PRKAR1A: variants seen among roughly 807,000 people sequenced by gnomAD.
PRKAR1A encodes the protein protein kinase cAMP-dependent type I regulatory subunit alpha.
PRKAR1A carries 3 observed loss-of-function variants against 52.0 expected under a neutral mutation model. That is an observed-to-expected ratio of 0.06 (90% CI 0.03 to 0.15). The LOEUF is 0.15. Ranked by LOEUF, PRKAR1A falls within the 10% of genes least tolerant of loss-of-function variation. The pLI, the probability that PRKAR1A is intolerant of heterozygous loss-of-function variation, is 1.00. For synonymous variants in PRKAR1A, 188 were observed against 168.4 expected (o/e 1.12, Z -0.90); for missense variants, 240 against 477.4 (o/e 0.50, Z 4.63).
upstream of PRKAR1A, among the ~76,000 whole-genome samples, chr17:68,511,535 G>T (rs2085264408): frequency 6.6e-6 from 1 of 152,220 alleles, no homozygotes; most frequent in Non-Finnish European, 1.5e-5. Flanking sequence ...CCTCTGTGAG[G>T]TCAGGAGTGA....
intron 2 of PRKAR1A, among the ~76,000 whole-genome samples, chr17:68,518,834 C>T (rs1371879175): frequency 6.6e-6 from 1 of 152,218 alleles, no homozygotes; most frequent in East Asian, 1.9e-4. Context: ...GCTCTGCTTC[C>T]TCTTGAATGC....
the PRKAR1A span, among the ~76,000 whole-genome samples, chr17:68,466,401 TTCTC>T: frequency 4.7e-5 from 7 of 148,940 alleles, no homozygotes; most frequent in African/African-American, 1.8e-4. Flanking sequence ...TATTTATGTT[TTCTC>T]TCTCTTTTTT....
At chr17:68,444,518 G>A in the PRKAR1A span, 1 of 1,614,000 alleles carries the variant, frequency 6.2e-7, no homozygotes, top group South Asian at 1.1e-5. Flanking sequence ...GAATATCCAG[G>A]AGGGTCTTCA....
At chr17:68,524,371 T>A (rs920131051) in intron 5 of PRKAR1A, among the ~76,000 whole-genome samples, 1 of 152,190 alleles carries the variant, frequency 6.6e-6, no homozygotes, top group Non-Finnish European at 1.5e-5. Context: ...ATATCTCTCA[T>A]GTTCTTTATA....
At chr17:68,432,217 G>C in the PRKAR1A span, among the ~76,000 whole-genome samples, 4 of 152,146 alleles carry the variant, frequency 2.6e-5, no homozygotes, top group African/African-American at 9.7e-5. Context: ...CACTGGGGGT[G>C]GGGGGAGACA....
chr17:68,506,391 C>T, the PRKAR1A span, among the ~76,000 whole-genome samples: 3 of 152,024 alleles, frequency 2.0e-5, no homozygotes, highest in East Asian at 5.8e-4. Context: ...GAGTTAGATG[C>T]CCTTTCAATG....
chr17:68,493,049 A>G, the PRKAR1A span, among the ~76,000 whole-genome samples: 1 of 146,468 alleles, frequency 6.8e-6, no homozygotes, highest in African/African-American at 2.5e-5. Flanking sequence ...TGCTGGTCAA[A>G]TGCTATTTCT....
At chr17:68,486,201 GTT>G in the PRKAR1A span, among the ~76,000 whole-genome samples, 4 of 148,998 alleles carry the variant, frequency 2.7e-5, no homozygotes, top group Admixed American at 1.3e-4. Context: ...AGCTCATGAG[GTT>G]TTTTTTTTTA....
At chr17:68,540,010 G>T (rs539102876) in intron 11 of PRKAR1A, 2 of 1,566,110 alleles carry the variant, frequency 1.3e-6, no homozygotes, top group African/African-American at 2.7e-5. Flanking sequence ...CAGGCCAGGG[G>T]GACAGGTGCT....
chr17:68,535,669 A>T (rs565897928), downstream of PRKAR1A: 120 of 370,504 alleles, frequency 3.2e-4, no homozygotes, highest in Admixed American at 6.5e-4. Context: ...TTAAAAAAAA[A>T]TTTTTTTTTT....
At chr17:68,529,830 C>T in intron 9 of PRKAR1A, 90 bp from the exon 10 acceptor site, 1 of 1,192,314 alleles carries the variant, frequency 8.4e-7, no homozygotes, top group Non-Finnish European at 1.3e-6. Context: ...CACACATTTG[C>T]AAGGTAGTTA....
the PRKAR1A span, among the ~76,000 whole-genome samples, chr17:68,437,010 A>ATG: frequency 1.3e-4 from 10 of 77,908 alleles, no homozygotes; most frequent in South Asian, 6.5e-4. Flanking sequence ...AAAAAAATAT[A>ATG]TATATATGTG....
the PRKAR1A span, among the ~76,000 whole-genome samples, chr17:68,461,231 T>C: frequency 6.6e-6 from 1 of 152,136 alleles, no homozygotes; most frequent in South Asian, 2.1e-4. This position sits in a 1 kb window ranked among gnomAD's most constrained non-coding sequence, Gnocchi z 4.6. Context: ...CCATTATTTC[T>C]AGGAAAACTT....
At chr17:68,447,401 A>G in the PRKAR1A span, among the ~76,000 whole-genome samples, 2 of 152,152 alleles carry the variant, frequency 1.3e-5, no homozygotes, top group African/African-American at 4.8e-5. Context: ...TTTTTTATAG[A>G]GACAGGGTCT....
At chr17:68,455,421 G>A in the PRKAR1A span, among the ~76,000 whole-genome samples, 12 of 150,750 alleles carry the variant, frequency 8.0e-5, no homozygotes, top group Admixed American at 2.0e-4. Flanking sequence ...CACGAAGTAT[G>A]AGCGTAGGGG....
At chr17:68,449,585 C>T in the PRKAR1A span, among the ~76,000 whole-genome samples, 14 of 152,176 alleles carry the variant, frequency 9.2e-5, no homozygotes, top group African/African-American at 2.4e-4. Flanking sequence ...TGAGTTCTCA[C>T]GAGACCTGGT....
the PRKAR1A span, chr17:68,426,246 G>A: frequency 1.1e-6 from 1 of 894,422 alleles, no homozygotes; most frequent in African/African-American, 1.7e-5. Context: ...GGCGGGTGGG[G>A]AGCGGGGGCT....
At chr17:68,545,742 C>T (rs1305069118) in intron 11 of PRKAR1A, among the ~76,000 whole-genome samples, 2 of 152,192 alleles carry the variant, frequency 1.3e-5, no homozygotes, top group Admixed American at 6.5e-5. Flanking sequence ...CCTCTCAAAC[C>T]CTGCTGCTGC....
the PRKAR1A span, among the ~76,000 whole-genome samples, chr17:68,467,899 G>T: frequency 1.3e-5 from 2 of 151,936 alleles, no homozygotes; most frequent in African/African-American, 4.8e-5. Context: ...GTTTTTGTTT[G>T]TTCATTTGTT....
Sources: gnomAD v4.1 joint callset for allele counts (sites outside exome capture counted in the v4.1 genomes callset) on GRCh38, gnomAD v4.1.1 for gene constraint, Gnocchi (gnomAD v3.1) non-coding constraint, MANE v1.5 for transcripts, NCBI Gene and HGNC (gene_info 2026-07-23, HGNC 2026-07-21) for gene names.